The following AAGAB variants were observed in gnomAD, a reference collection of about 807,000 sequenced individuals.
The protein encoded by AAGAB is alpha- and gamma-adaptin-binding protein p34.
A neutral mutation model predicts 44.1 loss-of-function variants in AAGAB; 38 were observed. The ratio of observed to expected loss-of-function variants is 0.86; its 90% CI spans 0.67 to 1.13. The LOEUF is 1.13. AAGAB is among the 50% of genes most tolerant of loss of function. The pLI is 0.00. For missense variants in AAGAB, 450 were observed against 373.8 expected (o/e 1.20, Z -1.68); for synonymous variants, 131 against 131.8 (o/e 0.99, Z 0.04).
intron 5 of AAGAB, among the ~76,000 whole-genome samples, chr15:67,224,879 C>A (rs1418430609): frequency 1.3e-5 from 2 of 152,032 alleles, no homozygotes; most frequent in Non-Finnish European, 2.9e-5. Flanking sequence ...CCGCACCTGG[C>A]CAAAAGTCAC....
At position 67,226,958 on chromosome 15, in the gene AAGAB, G is replaced by T. The variant is rs111515555; in HGVS notation, c.535+4856C>A. ...ATATCAATGTCCAAGAAACTGCAAA[G>T]AAATAAAACCTGAGTTAGATTTGTG... On this transcript the variant is annotated intron_variant, in intron 5 of 9. Coordinates refer to ENST00000261880, the MANE Select transcript of AAGAB (RefSeq NM_024666.5). 742 of 269,270 alleles carry T rather than the reference G, an allele frequency of 2.8e-3. 7 individuals carry two copies. Among genetic ancestry groups the T allele is most frequent in the African/African-American group, 0.016 (707 of 44,134 alleles). 16.7% of individuals were successfully genotyped at this position (269,270 alleles called of 1,614,324 possible).
At chr15:67,253,667 T>G (rs113103186) in intron 1 of AAGAB, among the ~76,000 whole-genome samples, 1 of 151,694 alleles carries the variant, frequency 6.6e-6, no homozygotes, top group African/African-American at 2.4e-5. Flanking sequence ...GGCAGGAGGA[T>G]CGCTTGAGCC....
Position 67,236,478 on chromosome 15 carries a change from T to C in AAGAB, c.291A>G (p.Ser97=), listed in dbSNP as rs763675606. The change falls in exon 3 of 10, where the codon TCA becomes TCG. Residue 97 remains serine (S), a synonymous_variant. Coordinates refer to ENST00000261880, the MANE Select transcript of AAGAB (RefSeq NM_024666.5). ...ACCATGCTTTTGCCAGTGGAAGCCATGAGGAGACACTATCAAGGCCCGATT... is the reference window on the plus strand; with the variant it reads ...ACCATGCTTTTGCCAGTGGAAGCCACGAGGAGACACTATCAAGGCCCGATT... The part of the protein sequence containing the change: ...TQKSGLDSVS[S]WLPLAKAWLP... The C allele has an allele frequency of 4.3e-6, 7 of 1,613,962 alleles. No individual in the cohort carries two copies. The South Asian group carries it at 6.6e-5, about 15-fold the overall frequency.
rs1963563817 is a variant in AAGAB, at chr15:67,201,244, G to T, written c.*1577C>A. ...CAATCACCTCAAAGAAACACTGATG[G>T]GCTGGTGGTGAACCACAGACTCAAA... On this transcript the variant is annotated 3_prime_UTR_variant, in exon 10 of 10. Transcript: ENST00000261880. 1 of 149,864 alleles carries T rather than the reference G, an allele frequency of 6.7e-6. No individual in the cohort carries two copies. The allele number at this position is 149,864 out of a possible 1,614,324, so 9.3% of individuals were successfully genotyped here.
chr15:67,255,054 A>T (rs961200628), upstream of AAGAB: 17 of 1,107,582 alleles, frequency 1.5e-5, no homozygotes, highest in Non-Finnish European at 2.3e-5. Context: ...CGCCGCCCCT[A>T]GACTCCCTCC....
intron 5 of AAGAB, 79 bp downstream of exon 5, chr15:67,231,735 T>C (rs953719613): frequency 6.0e-6 from 7 of 1,160,448 alleles, no homozygotes; most frequent in South Asian, 1.2e-5. Flanking sequence ...ATAGCACTAA[T>C]GGTTCCACAT....
chr15:67,209,835 T>A (rs1015030899), intron 5 of AAGAB, among the ~76,000 whole-genome samples: 1 of 152,010 alleles, frequency 6.6e-6, no homozygotes, highest in Non-Finnish European at 1.5e-5. Flanking sequence ...TTTAAAATTA[T>A]TTCTTGTTTT....
In AAGAB at chr15:67,231,900, A is replaced by T; in HGVS notation, c.452-3T>A. 7 of 1,600,626 alleles carry T rather than the reference A, an allele frequency of 4.4e-6. No homozygotes were observed. Among genetic ancestry groups the T allele is most frequent in the Non-Finnish European group, 5.1e-6 (6 of 1,168,414 alleles). ...TCCTGTAGATTCTGGGAAGTCATCT[A>T]ATCAGGGAGGGGAAATATATATATT... On this transcript the variant is annotated splice_region_variant and splice_polypyrimidine_tract_variant and intron_variant, in intron 4 of 9. Coordinates refer to ENST00000261880, the MANE Select transcript of AAGAB (RefSeq NM_024666.5).
chr15:67,205,965 C>T (rs1395175979), intron 7 of AAGAB, among the ~76,000 whole-genome samples: 2 of 152,084 alleles, frequency 1.3e-5, no homozygotes, highest in Non-Finnish European at 1.5e-5. Context: ...GTGTTAACAT[C>T]GTTTATGACC....
intron 5 of AAGAB, among the ~76,000 whole-genome samples, chr15:67,212,183 A>G (rs908144136): frequency 2.0e-5 from 3 of 152,200 alleles, no homozygotes; most frequent in African/African-American, 7.2e-5. Flanking sequence ...ACCCGGCCGA[A>G]ATGCTTAATT....
chr15:67,254,907 A>C (rs758889010), upstream of AAGAB: 1 of 1,613,758 alleles, frequency 6.2e-7, no homozygotes, highest in African/African-American at 1.3e-5. Context: ...ATGGCACAGA[A>C]CACTGAAAAC....
At chr15:67,252,985 C>G (rs1279238999) in intron 1 of AAGAB, among the ~76,000 whole-genome samples, 1 of 152,100 alleles carries the variant, frequency 6.6e-6, no homozygotes, top group African/African-American at 2.4e-5. Flanking sequence ...GGCTCATATG[C>G]CCCATTTTAA....
At chr15:67,217,623 C>T (rs938899431) in intron 5 of AAGAB, among the ~76,000 whole-genome samples, 8 of 152,064 alleles carry the variant, frequency 5.3e-5, no homozygotes, top group African/African-American at 9.7e-5. Context: ...CTGCAACCTC[C>T]GCCTCCCGGG....
intron 2 of AAGAB, 53 bp downstream of exon 2, chr15:67,236,577 A>G: frequency 1.2e-6 from 2 of 1,600,520 alleles, no homozygotes; most frequent in South Asian, 1.1e-5. Context: ...TGGGAAAAAA[A>G]GAAGGCATGC....
At chr15:67,215,613 G>A (rs921851615) in intron 5 of AAGAB, among the ~76,000 whole-genome samples, 2 of 152,092 alleles carry the variant, frequency 1.3e-5, no homozygotes, top group Non-Finnish European at 2.9e-5. Context: ...TGAGTAATAA[G>A]CATGACCAAA....
rs577535422 is a variant in AAGAB, at chr15:67,242,982, G to C, written c.74-6162C>G. 2.0e-5 allele frequency: 3 copies of C among 152,148 alleles called. No individual in the cohort carries two copies. In the South Asian group the frequency reaches 6.2e-4, roughly 32 times the overall value. The allele number at this position is 152,148 out of a possible 1,614,324, so 9.4% of individuals were successfully genotyped here. A position where few individuals can be genotyped will look rare whatever the true frequency, so the allele number is the denominator to read the frequency against. On this transcript the variant is annotated intron_variant, in intron 1 of 9. Transcript: ENST00000261880. ...TTTTCTCTGGTTACACTCTAAATTCGCATTTCCACATGCTCGTAAGCTTTT... is the reference window on the plus strand; with the variant it reads ...TTTTCTCTGGTTACACTCTAAATTCCCATTTCCACATGCTCGTAAGCTTTT...
At chr15:67,244,682 T>A (rs1167550056) in intron 1 of AAGAB, among the ~76,000 whole-genome samples, 2 of 152,092 alleles carry the variant, frequency 1.3e-5, no homozygotes, top group East Asian at 3.9e-4. Context: ...CACACACCTG[T>A]AATGCCAGCT....
At chr15:67,219,083 T>A (rs1475121064) in intron 5 of AAGAB, among the ~76,000 whole-genome samples, 1 of 152,180 alleles carries the variant, frequency 6.6e-6, no homozygotes, top group African/African-American at 2.4e-5. Context: ...TCCAATGGTA[T>A]CTGGGAATTT....
intron 1 of AAGAB, 127 bp from the exon 2 acceptor site, chr15:67,236,947 C>T: frequency 1.5e-6 from 1 of 663,498 alleles, no homozygotes; most frequent in South Asian, 2.2e-5. Context: ...TTTCAAAGGA[C>T]CCTGCATTTA....
Sources: gnomAD v4.1 joint callset for allele counts (sites outside exome capture counted in the v4.1 genomes callset) on GRCh38, gnomAD v4.1.1 for gene constraint, MANE v1.5 for transcripts, NCBI Gene and HGNC (gene_info 2026-07-23, HGNC 2026-07-21) for gene names.